Variants in MAGI2 observed in about 807,000 individuals in gnomAD.
MAGI2 encodes membrane associated guanylate kinase, WW and PDZ domain containing 2.
A neutral mutation model predicts 133.3 loss-of-function variants in MAGI2; 35 were observed. That is an observed-to-expected ratio of 0.26 (90% confidence interval 0.20 to 0.35). MAGI2 has a LOEUF of 0.35. Among genes scored for constraint, MAGI2 ranks in the 10% least tolerant of loss-of-function variants. The pLI is 1.00. For missense variants in MAGI2, 1,636 were observed against 1,863.4 expected (o/e 0.88, Z 2.25); for synonymous variants, 729 against 710.6 (o/e 1.03, Z -0.41).
At chr7:79,256,068 G>T (rs918522771) in intron 1 of MAGI2, among the ~76,000 whole-genome samples, 1 of 152,154 alleles carries the variant, frequency 6.6e-6, no homozygotes, top group African/African-American at 2.4e-5. Context: ...TGTTGAAAAG[G>T]GTCATATAGA....
chr7:78,373,137 A>T (rs1453139273), intron 6 of MAGI2, among the ~76,000 whole-genome samples: 1 of 152,146 alleles, frequency 6.6e-6, no homozygotes, highest in Non-Finnish European at 1.5e-5. Flanking sequence ...TGCCATTTTG[A>T]TCATGAGAAA....
At chr7:78,233,013 C>A (rs770579560) in intron 10 of MAGI2, among the ~76,000 whole-genome samples, 3 of 152,002 alleles carry the variant, frequency 2.0e-5, no homozygotes, top group Non-Finnish European at 4.4e-5. Context: ...GAGTTAATTG[C>A]GATGAGTCAT....
At chr7:78,926,343 G>T (rs916129950) in intron 2 of MAGI2, among the ~76,000 whole-genome samples, 7 of 151,960 alleles carry the variant, frequency 4.6e-5, no homozygotes, top group African/African-American at 1.7e-4. Context: ...TACGTTCTGG[G>T]TATGCATCCT....
intron 10 of MAGI2, among the ~76,000 whole-genome samples, chr7:78,249,956 C>T (rs1396958864): frequency 1.3e-5 from 2 of 151,900 alleles, no homozygotes; most frequent in Non-Finnish European, 2.9e-5. Flanking sequence ...TCATATACCC[C>T]ATAAATATGT....
At position 79,453,582 on chromosome 7, in the gene MAGI2, C is replaced by A; in HGVS notation, c.-262G>T. On this transcript the variant is annotated 5_prime_UTR_variant, in exon 1 of 22. Coordinates refer to ENST00000354212, the MANE Select transcript of MAGI2 (RefSeq NM_012301.4). ...TGAATGACACTCAAGGCTGTGGCCC[C>A]GCAGCAGAGGAAGCAGTGGTGGTGG... 1.7e-6 allele frequency: 2 copies of A among 1,167,722 alleles called. No individual in the cohort carries two copies. The highest frequency in any genetic ancestry group is 2.1e-6 in the Non-Finnish European group (2 of 946,856). The allele number at this position is 1,167,722 out of a possible 1,614,324, so 72.3% of individuals were successfully genotyped here.
intron 2 of MAGI2, among the ~76,000 whole-genome samples, chr7:78,760,366 T>TG (rs1563467509): frequency 1.4e-5 from 2 of 147,104 alleles, no homozygotes; most frequent in African/African-American, 2.6e-5. Flanking sequence ...TCTCTCTTTT[T>TG]TTTTTTTTTT....
Position 78,233,344 on chromosome 7 carries a change from G to A in MAGI2, c.2047+22599C>T, listed in dbSNP as rs556617358. Among the ~76,000 whole-genome samples, 16 of 152,242 alleles carry A rather than the reference G, an allele frequency of 1.1e-4. 2 individuals are homozygous for A. The South Asian group carries it at 1.2e-3, about 12-fold the overall frequency. ...GACCTCTAGAAGATATGAGCGTCCC[G>A]GAAGCCACGGGAGGAAAGATTCTGG... On this transcript the variant is annotated intron_variant, in intron 10 of 21. Transcript: ENST00000354212.
At chr7:78,430,820 C>T (rs1470885800) in intron 6 of MAGI2, among the ~76,000 whole-genome samples, 3 of 152,182 alleles carry the variant, frequency 2.0e-5, no homozygotes, top group African/African-American at 4.8e-5. Flanking sequence ...AATGTGTTTA[C>T]AGTTAACACC....
At chr7:78,295,754 A>T (rs1486018245) in intron 9 of MAGI2, among the ~76,000 whole-genome samples, 1 of 152,098 alleles carries the variant, frequency 6.6e-6, no homozygotes, top group Non-Finnish European at 1.5e-5. Context: ...CTAAATAAGT[A>T]TCTCCAGGCA....
chr7:78,329,674 C>G (rs1788972541), intron 9 of MAGI2, among the ~76,000 whole-genome samples: 1 of 152,166 alleles, frequency 6.6e-6, no homozygotes, highest in Non-Finnish European at 1.5e-5. Flanking sequence ...TCAGAATTGA[C>G]TTGCTTTTAT....
chr7:78,553,901 G>A (rs997940394), intron 3 of MAGI2, among the ~76,000 whole-genome samples: 1 of 152,154 alleles, frequency 6.6e-6, no homozygotes, highest in African/African-American at 2.4e-5. Flanking sequence ...GTAGTGGAGG[G>A]GAGTCCCAAA....
intron 2 of MAGI2, among the ~76,000 whole-genome samples, chr7:78,780,936 A>G (rs532624456): frequency 6.6e-6 from 1 of 152,214 alleles, no homozygotes; most frequent in Non-Finnish European, 1.5e-5. Flanking sequence ...CATTACTTGC[A>G]CCTTGAGCAA....
chr7:79,039,227 C>T (rs1584760541), intron 1 of MAGI2, among the ~76,000 whole-genome samples: 1 of 152,158 alleles, frequency 6.6e-6, no homozygotes, highest in East Asian at 1.9e-4. Context: ...TCTCTCCTGC[C>T]GCCATGTGAA....
chr7:78,820,476 T>G (rs1390522229), intron 2 of MAGI2, among the ~76,000 whole-genome samples: 2 of 151,864 alleles, frequency 1.3e-5, no homozygotes, highest in Non-Finnish European at 2.9e-5. Context: ...TAAAATGAAG[T>G]TATGAAAGTC....
intron 1 of MAGI2, among the ~76,000 whole-genome samples, chr7:79,062,058 C>G (rs1207370089): frequency 6.6e-6 from 1 of 152,050 alleles, no homozygotes; most frequent in East Asian, 1.9e-4. Context: ...TTTCTTCCTT[C>G]ATTTTTATTT....
At chr7:79,220,549 T>C (rs376312095) in intron 1 of MAGI2, among the ~76,000 whole-genome samples, 28 of 152,080 alleles carry the variant, frequency 1.8e-4, no homozygotes, top group African/African-American at 6.5e-4. Context: ...CCATGAAAGA[T>C]GGACCCTTTA....
rs1562973192 is a variant in MAGI2, at chr7:79,186,233, TA to T, written c.302-179028del. 1.6e-3 allele frequency among the ~76,000 whole-genome samples: 194 copies of T among 124,144 alleles called. 3 individuals carry two copies. Among genetic ancestry groups the T allele is most frequent in the African/African-American group, 5.3e-3 (172 of 32,622 alleles). 81.4% of individuals were successfully genotyped at this position (124,144 alleles called of 152,430 possible). A position where few individuals can be genotyped will look rare whatever the true frequency, so the allele number is the denominator to read the frequency against. ...ATATATATATATATATATATATATATATATATATATTTATATTTATTTATTT... is the reference window on the plus strand; with the variant it reads ...ATATATATATATATATATATATATATTATATATATTTATATTTATTTATTT... On this transcript the variant is annotated intron_variant, in intron 1 of 21. Transcript: ENST00000354212.
rs565432976 is a variant in MAGI2 at position 78,176,217 on chromosome 7, T to G, written c.2403+1794A>C. ...CTCTGAATAAATTTAAGTCTGAAGT[T>G]ACTTGAGCCCTGTATTTTACCTCAG... On this transcript the variant is annotated intron_variant, in intron 14 of 21. Transcript: ENST00000354212. Among the ~76,000 whole-genome samples the G allele has an allele frequency of 2.6e-5, 4 of 152,266 alleles. No homozygotes were observed. In the East Asian group the frequency reaches 7.7e-4, roughly 29 times the overall value.
rs1176187520 is a variant in MAGI2 at position 78,636,993 on chromosome 7, G to A, written c.419-9754C>T. ...TTTCAGGCGATGCCTCTGACACTGCGGGTCCAGAAACCATAATTGGAGAAC... is the reference window on the plus strand; with the variant it reads ...TTTCAGGCGATGCCTCTGACACTGCAGGTCCAGAAACCATAATTGGAGAAC... On this transcript the variant is annotated intron_variant, in intron 2 of 21. Transcript: ENST00000354212. Among the ~76,000 whole-genome samples, 5 of 152,106 alleles carry A rather than the reference G, an allele frequency of 3.3e-5. No individual in the cohort carries two copies. The East Asian group carries it at 5.8e-4, about 18-fold the overall frequency.
Sources: allele counts gnomAD v4.1 joint callset (sites outside exome capture counted in the v4.1 genomes callset), GRCh38; gene constraint gnomAD v4.1.1; transcripts MANE v1.5; gene names NCBI Gene and HGNC (gene_info 2026-07-23, HGNC 2026-07-21).